Variants in CALN1 observed in about 807,000 individuals in gnomAD.
The protein encoded by CALN1 is calneuron 1.
CALN1 carries 17 observed loss-of-function variants against 30.6 expected under a neutral mutation model. That is an observed-to-expected ratio of 0.56 (90% CI 0.38 to 0.83). The LOEUF (loss-of-function observed/expected upper bound fraction) is 0.83, where lower values mean the gene tolerates loss of function less well. Ranked by LOEUF, CALN1 falls within the 40% of genes least tolerant of loss-of-function variation. CALN1 has a pLI of 0.00. For synonymous variants in CALN1, 156 were observed against 131.4 expected, an observed-to-expected ratio of 1.19 and a Z score of -1.28; for missense variants, 291 against 354.9, an observed-to-expected ratio of 0.82 and a Z score of 1.45.
intron 4 of CALN1, among the ~76,000 whole-genome samples, chr7:72,056,056 G>A (rs981531745): frequency 6.6e-6 from 1 of 151,866 alleles, no homozygotes; most frequent in Admixed American, 6.6e-5. Flanking sequence ...CCCATATGAA[G>A]AAACCTATAC....
intron 3 of CALN1, among the ~76,000 whole-genome samples, chr7:72,202,211 G>A (rs1025271504): frequency 2.6e-5 from 4 of 152,050 alleles, no homozygotes; most frequent in South Asian, 2.1e-4. Context: ...GACTGATACC[G>A]CAGGAAAATC....
intron 3 of CALN1, among the ~76,000 whole-genome samples, chr7:72,122,253 G>A (rs1042243498): frequency 2.6e-5 from 4 of 152,068 alleles, no homozygotes; most frequent in Admixed American, 6.6e-5. Context: ...GTTAATATAC[G>A]GAGATTAGAG....
At chr7:72,156,961 C>A (rs762730723) in intron 3 of CALN1, among the ~76,000 whole-genome samples, 4 of 152,226 alleles carry the variant, frequency 2.6e-5, no homozygotes, top group Non-Finnish European at 4.4e-5. Flanking sequence ...ACTACCAAGA[C>A]ATAACCTCTG....
chr7:71,787,673 C>T lies in CALN1; in HGVS notation c.*102G>A. Reference sequence around the variant, plus strand: ...GAACGGTTCCATCGTCCGCATCCATCCATAGTCCATAGGTCCGTGTCTGCT... The same window carrying T: ...GAACGGTTCCATCGTCCGCATCCATTCATAGTCCATAGGTCCGTGTCTGCT... On this transcript the variant is annotated 3_prime_UTR_variant, in exon 7 of 7. Coordinates refer to ENST00000395275, the MANE Select transcript of CALN1 (RefSeq NM_031468.4). 5 of 1,503,764 alleles carry T rather than the reference C, an allele frequency of 3.3e-6. No individual in the cohort carries two copies. In the South Asian group the frequency reaches 6.4e-5, roughly 19 times the overall value. 93.2% of individuals were successfully genotyped at this position (1,503,764 alleles called of 1,614,324 possible).
chr7:71,862,528 G>A (rs1029159384), intron 5 of CALN1, among the ~76,000 whole-genome samples: 2 of 152,068 alleles, frequency 1.3e-5, no homozygotes, highest in African/African-American at 4.8e-5. Flanking sequence ...TAATCATGAG[G>A]CCTCCCCAGC....
At chr7:72,295,066 C>A (rs1248751389) in intron 2 of CALN1, among the ~76,000 whole-genome samples, 1 of 152,110 alleles carries the variant, frequency 6.6e-6, no homozygotes, top group Non-Finnish European at 1.5e-5. Context: ...TCAGTGTATA[C>A]TGGGCAGATG....
At chr7:71,819,524 T>C (rs929187660) in intron 5 of CALN1, among the ~76,000 whole-genome samples, 9 of 152,198 alleles carry the variant, frequency 5.9e-5, no homozygotes, top group Non-Finnish European at 1.0e-4. Flanking sequence ...AAGTGTACAG[T>C]TCTGTGGCAT....
intron 5 of CALN1, among the ~76,000 whole-genome samples, chr7:71,848,102 A>C (rs779563263): frequency 6.6e-6 from 1 of 152,230 alleles, no homozygotes; most frequent in Non-Finnish European, 1.5e-5. Flanking sequence ...AACACATAAA[A>C]TTCACCATTG....
At chr7:72,077,969 C>A (rs1002378025) in intron 4 of CALN1, among the ~76,000 whole-genome samples, 3 of 152,164 alleles carry the variant, frequency 2.0e-5, no homozygotes, top group South Asian at 2.1e-4. Context: ...GAGCACAAGG[C>A]TTCTAGACAG....
At chr7:72,289,775 A>T (rs1305055212) in intron 2 of CALN1, among the ~76,000 whole-genome samples, 1 of 152,162 alleles carries the variant, frequency 6.6e-6, no homozygotes, top group Non-Finnish European at 1.5e-5. Flanking sequence ...ATTTCATTGT[A>T]AGTTCATATT....
chr7:72,006,569 A>T (rs943174645), intron 5 of CALN1, among the ~76,000 whole-genome samples: 1 of 146,982 alleles, frequency 6.8e-6, no homozygotes, highest in Admixed American at 6.7e-5. Flanking sequence ...CATCTAAAAA[A>T]GTAGATTTTT....
intron 5 of CALN1, among the ~76,000 whole-genome samples, chr7:71,895,575 T>C (rs1399823882): frequency 1.3e-5 from 2 of 152,206 alleles, no homozygotes; most frequent in African/African-American, 2.4e-5. Flanking sequence ...CCTGGTGAAA[T>C]TTCCAATTCT....
chr7:72,124,918 A>G (rs1026151068), intron 3 of CALN1, among the ~76,000 whole-genome samples: 3 of 152,232 alleles, frequency 2.0e-5, no homozygotes, highest in African/African-American at 7.2e-5. Flanking sequence ...TGCAAAAATT[A>G]CATAAAAAAA....
the CALN1 span, among the ~76,000 whole-genome samples, chr7:72,455,321 ATGTGTG>A: frequency 0.032 from 4,394 of 138,822 alleles, 92 homozygotes; most frequent in African/African-American, 0.059. Context: ...ATATATATAT[ATGTGTG>A]TGTGTGTGTG....
the CALN1 span, among the ~76,000 whole-genome samples, chr7:72,494,869 A>AAAT: frequency 6.0e-4 from 91 of 150,946 alleles, no homozygotes; most frequent in East Asian, 1.9e-3. Context: ...CCTGTCTCAA[A>AAAT]AATAATAATA....
At chr7:72,132,087 CAA>C (rs1809188098) in intron 3 of CALN1, among the ~76,000 whole-genome samples, 1 of 152,168 alleles carries the variant, frequency 6.6e-6, no homozygotes, top group East Asian at 1.9e-4. Context: ...TCAATCTACA[CAA>C]AAACATATTG....
intron 6 of CALN1, among the ~76,000 whole-genome samples, chr7:71,800,722 C>A (rs1038812294): frequency 8.6e-5 from 13 of 152,022 alleles, no homozygotes; most frequent in African/African-American, 3.1e-4. Context: ...GGTAAATGAC[C>A]CAGGGTGACC....
chr7:72,226,302 C>G (rs991528098), intron 3 of CALN1, among the ~76,000 whole-genome samples: 3 of 151,992 alleles, frequency 2.0e-5, no homozygotes, highest in Middle Eastern at 3.4e-3. Context: ...GTTCATGCCA[C>G]CGAGATGCTT....
At chr7:72,108,521 G>A (rs1343233853) in intron 3 of CALN1, among the ~76,000 whole-genome samples, 4 of 152,180 alleles carry the variant, frequency 2.6e-5, no homozygotes, top group Non-Finnish European at 5.9e-5. Context: ...CATCTTGGAT[G>A]CTAATCTGCC....
Sources: allele counts gnomAD v4.1 joint callset (sites outside exome capture counted in the v4.1 genomes callset), GRCh38; gene constraint gnomAD v4.1.1; transcripts MANE v1.5; gene names NCBI Gene and HGNC (gene_info 2026-07-23, HGNC 2026-07-21).